Variants in NECTIN1 observed in about 807,000 individuals in gnomAD.
The protein encoded by NECTIN1 is nectin cell adhesion molecule 1.
A neutral mutation model predicts 48.0 loss-of-function variants in NECTIN1; 23 were observed. The observed-to-expected ratio is 0.48, with a 90% CI of 0.34 to 0.68. The LOEUF is 0.68. NECTIN1 is among the 30% of genes least tolerant of loss of function. The pLI, the probability that NECTIN1 is intolerant of heterozygous loss-of-function variation, is 0.01. For missense variants in NECTIN1, 591 were observed against 709.9 expected (o/e 0.83, Z 1.90); for synonymous variants, 270 against 288.9 (o/e 0.93, Z 0.66).
At chr11:119,723,137 T>C (rs964110211) in intron 1 of NECTIN1, among the ~76,000 whole-genome samples, 6 of 143,314 alleles carry the variant, frequency 4.2e-5, no homozygotes, top group Admixed American at 1.5e-4. Flanking sequence ...AAGAATCGCT[T>C]GAACCCAGGA....
rs1395858534 is a variant in NECTIN1, at chr11:119,684,912, C to T, written c.80-6147G>A. The stretch of plus-strand genomic sequence containing the variant: ...GTCCTGTCTCATTTCCCCATTAGTC[C>T]AGGAGATTCACGGGTGCCCAGGCTG... On this transcript the variant is annotated intron_variant, in intron 1 of 5. Coordinates refer to ENST00000264025, the MANE Select transcript of NECTIN1 (RefSeq NM_002855.5). The surrounding 1 kb of genome is among the most constrained non-coding windows in gnomAD (Gnocchi z 5.2). Among the ~76,000 whole-genome samples, 1 of 152,220 alleles carries T rather than the reference C, an allele frequency of 6.6e-6. No homozygotes were observed. The highest frequency in any genetic ancestry group is 6.5e-5 in the Admixed American group (1 of 15,284).
intron 1 of NECTIN1, among the ~76,000 whole-genome samples, chr11:119,679,118 C>T (rs1865015271): frequency 6.6e-6 from 1 of 152,162 alleles, no homozygotes. Context: ...TTATAAACAT[C>T]ACTCTGTGTT....
In NECTIN1 at chr11:119,716,628, A is replaced by G. The variant is rs189218756; in HGVS notation, c.79+11847T>C. On this transcript the variant is annotated intron_variant, in intron 1 of 5. Coordinates refer to ENST00000264025, the MANE Select transcript of NECTIN1 (RefSeq NM_002855.5). ...TAGTTGTTTGTGACCCTGTAGACAA[A>G]ACAATGATCTAAGACTGACCTTCGC... Among the ~76,000 whole-genome samples the G allele has an allele frequency of 4.7e-4, 71 of 152,346 alleles. 1 individual carries two copies. The highest frequency in any genetic ancestry group is 5.3e-4 in the Non-Finnish European group (36 of 68,022).
intron 5 of NECTIN1, among the ~76,000 whole-genome samples, chr11:119,652,698 A>G (rs1008151025): frequency 2.0e-5 from 3 of 152,192 alleles, no homozygotes; most frequent in African/African-American, 7.2e-5. Flanking sequence ...AGTGGGCGAG[A>G]AGCAGAGCCA....
Position 119,664,977 on chromosome 11 carries a change from C to G in NECTIN1, c.1324G>C (p.Glu442Gln). ...TCGCCCCCTCCACCGCCCTCCTCCT[C>G]CTCCTCCTCCTCCTCATAGCTGCTT... ...GGSSYEEEEE[E>Q]EEGGGGGERK... Residue 442 changes from glutamate (E) to glutamine (Q), a missense_variant, in exon 6 of 6, where the codon GAG becomes CAG. Glu to Gln is a conservative substitution (Grantham distance 29). Coordinates refer to ENST00000264025, the MANE Select transcript of NECTIN1 (RefSeq NM_002855.5). 1 of 1,613,310 alleles carries G rather than the reference C, an allele frequency of 6.2e-7. No individual in the cohort carries two copies. The highest frequency in any genetic ancestry group is 8.5e-7 in the Non-Finnish European group (1 of 1,179,470).
intron 1 of NECTIN1, among the ~76,000 whole-genome samples, chr11:119,690,559 T>A (rs1865236191): frequency 6.6e-6 from 1 of 152,030 alleles, no homozygotes; most frequent in African/African-American, 2.4e-5. Context: ...CACCAAAGGG[T>A]CTCCAGCAGC....
At chr11:119,671,900 CA>C (rs1376103489) in intron 5 of NECTIN1, among the ~76,000 whole-genome samples, 1 of 152,234 alleles carries the variant, frequency 6.6e-6, no homozygotes, top group Non-Finnish European at 1.5e-5. Context: ...GGCACGTTGC[CA>C]CGGCACAGCC....
chr11:119,686,796 A>G (rs560804769), intron 1 of NECTIN1, among the ~76,000 whole-genome samples: 1 of 152,084 alleles, frequency 6.6e-6, no homozygotes, highest in South Asian at 2.1e-4. Context: ...TCCCACCTTC[A>G]TGGATTGCGT....
chr11:119,706,706 T>A (rs11217416), intron 1 of NECTIN1, among the ~76,000 whole-genome samples: 7,503 of 152,304 alleles, frequency 0.049, 606 homozygotes, highest in African/African-American at 0.17. Flanking sequence ...GGTGATTCCT[T>A]CAAACTGGAG....
At chr11:119,728,441 TG>T in intron 1 of NECTIN1, 33 bp downstream of exon 1, 1 of 1,558,762 alleles carries the variant, frequency 6.4e-7, no homozygotes, top group Middle Eastern at 1.7e-4. Flanking sequence ...AGGCATTGGA[TG>T]GGGGTGGGGA....
At position 119,663,084 on chromosome 11, in the gene NECTIN1, G is replaced by GA; in HGVS notation, c.*1662_*1663insT. On this transcript the variant is annotated 3_prime_UTR_variant, in exon 6 of 6. Transcript: ENST00000264025. ...ATGGCAGGGTGGGTCAGTGCCCGTG[G>GA]GGCACAGAGTGGTCTGCCTCCCTCC... The GA allele has an allele frequency of 2.0e-6, 2 of 985,450 alleles. No homozygotes were observed. The highest frequency in any genetic ancestry group is 2.4e-6 in the Non-Finnish European group (2 of 829,942). The allele number at this position is 985,450 out of a possible 1,614,324, so 61.0% of individuals were successfully genotyped here.
At chr11:119,657,613 T>TAAAA (rs1565379944), downstream of NECTIN1, among the ~76,000 whole-genome samples, 2 of 37,246 alleles carry the variant, frequency 5.4e-5, no homozygotes, top group African/African-American at 1.3e-4. Context: ...GACTTTGTCT[T>TAAAA]TAAAAAAAAA....
chr11:119,674,771 C>T (rs776242720), intron 5 of NECTIN1: 99 of 1,548,742 alleles, frequency 6.4e-5, no homozygotes, highest in Non-Finnish European at 8.7e-5. Flanking sequence ...AGGTCCTTGA[C>T]CACAGGTGCA....
intron 5 of NECTIN1, chr11:119,674,334 T>G: frequency 7.2e-7 from 1 of 1,384,792 alleles, no homozygotes; most frequent in Non-Finnish European, 9.4e-7. Context: ...TTTACCCCTG[T>G]GTGGACTTGT....
rs540082015 is a variant in NECTIN1 at position 119,663,354 on chromosome 11, G to C, written c.*1393C>G. The C allele has an allele frequency of 2.8e-4, 271 of 985,430 alleles. 2 individuals are homozygous for C. In the African/African-American group the frequency reaches 4.4e-3, roughly 16 times the overall value. 61.0% of individuals were successfully genotyped at this position (985,430 alleles called of 1,614,324 possible). On this transcript the variant is annotated 3_prime_UTR_variant, in exon 6 of 6. Coordinates refer to ENST00000264025, the MANE Select transcript of NECTIN1 (RefSeq NM_002855.5). Reference sequence around the variant, plus strand: ...TATATACATGGGAAGACCCAGTCTGGGGTGGCTGATAGGAACTCAATGTCC... The same window carrying C: ...TATATACATGGGAAGACCCAGTCTGCGGTGGCTGATAGGAACTCAATGTCC...
At position 119,727,105 on chromosome 11, in the gene NECTIN1, C is replaced by T. The variant is rs896876363; in HGVS notation, c.79+1370G>A. On this transcript the variant is annotated intron_variant, in intron 1 of 5. Coordinates refer to ENST00000264025, the MANE Select transcript of NECTIN1 (RefSeq NM_002855.5). The surrounding 1 kb of genome is among the most constrained non-coding windows in gnomAD (Gnocchi z 4.1). Reference sequence around the variant, plus strand: ...TCACAAACTGCTTCCCAGACATCCACCACTTAGTGAGATTGGCGGGGCCCT... The same window carrying T: ...TCACAAACTGCTTCCCAGACATCCATCACTTAGTGAGATTGGCGGGGCCCT... Among the ~76,000 whole-genome samples the T allele has an allele frequency of 6.6e-6, 1 of 152,162 alleles. No homozygotes were observed. Among genetic ancestry groups the T allele is most frequent in the African/African-American group, 2.4e-5 (1 of 41,416 alleles).
At chr11:119,681,329 G>A (rs1244088101) in intron 1 of NECTIN1, among the ~76,000 whole-genome samples, 4 of 152,338 alleles carry the variant, frequency 2.6e-5, no homozygotes, top group South Asian at 2.1e-4. Context: ...AGGTGAGAGC[G>A]CAGGGAAGGG....
chr11:119,687,801 C>T (rs1459506315), intron 1 of NECTIN1, among the ~76,000 whole-genome samples: 7 of 152,234 alleles, frequency 4.6e-5, no homozygotes, highest in Admixed American at 6.5e-5. Context: ...CGATCTGCCT[C>T]ATCCCAGGAG....
At chr11:119,646,329 C>T (rs1260491685) in intron 5 of NECTIN1, among the ~76,000 whole-genome samples, 1 of 152,178 alleles carries the variant, frequency 6.6e-6, no homozygotes, top group Non-Finnish European at 1.5e-5. Flanking sequence ...GTGCTTAGTA[C>T]AGTGCGTGGC....
Sources: gnomAD v4.1 joint callset for allele counts (sites outside exome capture counted in the v4.1 genomes callset) on GRCh38, gnomAD v4.1.1 for gene constraint, Gnocchi (gnomAD v3.1) non-coding constraint, MANE v1.5 for transcripts, NCBI Gene and HGNC (gene_info 2026-07-23, HGNC 2026-07-21) for gene names.